The following HLCS variants were observed in gnomAD, a reference collection of about 807,000 sequenced individuals.
The protein encoded by HLCS is biotin--protein ligase.
In HLCS, 53 loss-of-function variants were observed where a neutral mutation model predicts 75.0. That is an observed-to-expected ratio of 0.71 (90% CI 0.57 to 0.89). HLCS has a LOEUF of 0.89. Ranked by LOEUF, HLCS falls within the 40% of genes least tolerant of loss-of-function variation. The pLI, the probability that HLCS is intolerant of heterozygous loss-of-function variation, is 0.00. For missense variants in HLCS, 966 were observed against 1,074.0 expected (o/e 0.90, Z 1.41); for synonymous variants, 431 against 428.6 (o/e 1.01, Z -0.07).
intron 7 of HLCS, among the ~76,000 whole-genome samples, chr21:36,765,796 G>A (rs758277188): frequency 7.9e-5 from 12 of 152,020 alleles, no homozygotes; most frequent in African/African-American, 1.2e-4. Flanking sequence ...TAAGGTGCCC[G>A]CCACCATTCC....
At chr21:36,931,283 CAAAAAAAAA>C (rs57829948) in intron 4 of HLCS, among the ~76,000 whole-genome samples, 3 of 75,466 alleles carry the variant, frequency 4.0e-5, no homozygotes, top group Admixed American at 1.6e-4. Context: ...AACTCCATCG[CAAAAAAAAA>C]AAAAAAAAAA....
chr21:36,761,355 A>G (rs979537563), intron 8 of HLCS, among the ~76,000 whole-genome samples: 1 of 152,198 alleles, frequency 6.6e-6, no homozygotes, highest in Non-Finnish European at 1.5e-5. Flanking sequence ...TCGGCCCGTT[A>G]GAGCATATTG....
Position 36,753,961 on chromosome 21 carries a change from C to G in HLCS, c.*285G>C. 1 of 499,336 alleles carries G rather than the reference C, an allele frequency of 2.0e-6. No homozygotes were observed. Among genetic ancestry groups the G allele is most frequent in the Non-Finnish European group, 3.6e-6 (1 of 274,860 alleles). The allele number at this position is 499,336 out of a possible 1,614,324, so 30.9% of individuals were successfully genotyped here. A position where few individuals can be genotyped will look rare whatever the true frequency, so the allele number is the denominator to read the frequency against. On this transcript the variant is annotated 3_prime_UTR_variant, in exon 11 of 11. Coordinates refer to ENST00000674895, the MANE Select transcript of HLCS (RefSeq NM_001352514.2). The surrounding 1 kb of genome is among the most constrained non-coding windows in gnomAD (Gnocchi z 4.3). ...TTGTCATTTCCATGTAAAAACTCCC[C>G]TTGACAATAAACGTAAGTCCAAGCC... is the stretch of plus-strand genomic sequence containing the variant.
intron 4 of HLCS, among the ~76,000 whole-genome samples, chr21:36,931,941 T>TC (rs1239304145): frequency 2.6e-5 from 4 of 152,006 alleles, no homozygotes; most frequent in African/African-American, 9.7e-5. Context: ...TTCTCCGTTT[T>TC]CCCCCCACAT....
At chr21:36,862,670 C>T (rs1036122994) in intron 6 of HLCS, among the ~76,000 whole-genome samples, 4 of 152,184 alleles carry the variant, frequency 2.6e-5, no homozygotes, top group Admixed American at 2.6e-4. Flanking sequence ...TTCCTCTCAC[C>T]CTCCTGTAAT....
chr21:36,836,267 G>A (rs897311666), intron 6 of HLCS, among the ~76,000 whole-genome samples: 8 of 152,268 alleles, frequency 5.3e-5, no homozygotes, highest in South Asian at 2.1e-4. Flanking sequence ...CCCTGGGGCT[G>A]CAACAGGATG....
intron 6 of HLCS, among the ~76,000 whole-genome samples, chr21:36,869,157 C>T (rs1021000410): frequency 6.6e-6 from 1 of 151,906 alleles, no homozygotes; most frequent in Non-Finnish European, 1.5e-5. Flanking sequence ...CAGAGTCTCG[C>T]TCTGTCACCC....
intron 2 of HLCS, among the ~76,000 whole-genome samples, chr21:36,941,530 A>G (rs1188226571): frequency 6.6e-6 from 1 of 152,234 alleles, no homozygotes; most frequent in African/African-American, 2.4e-5. Flanking sequence ...CAATAAGGAA[A>G]TAATAGTCTT....
At chr21:36,798,742 G>A (rs1358429163) in intron 6 of HLCS, among the ~76,000 whole-genome samples, 2 of 152,210 alleles carry the variant, frequency 1.3e-5, no homozygotes, top group African/African-American at 4.8e-5. Context: ...TGCATGTGAA[G>A]TGGTATCTTA....
intron 1 of HLCS, among the ~76,000 whole-genome samples, chr21:36,981,469 T>C (rs8134802): frequency 0.11 from 16,744 of 148,992 alleles, 1,546 homozygotes; most frequent in African/African-American, 0.25. Flanking sequence ...GGCACGATCT[T>C]GGCTCACTAT....
intron 2 of HLCS, chr21:36,947,801 G>A: frequency 1.0e-6 from 1 of 985,486 alleles, no homozygotes; most frequent in Non-Finnish European, 1.2e-6. Flanking sequence ...GGGGGCATTG[G>A]CAGGCAGCAG....
intron 5 of HLCS, among the ~76,000 whole-genome samples, chr21:36,929,840 C>T (rs16994594): frequency 0.039 from 5,986 of 152,316 alleles, 253 homozygotes; most frequent in African/African-American, 0.11. Context: ...GACTCACAGA[C>T]GTGAAACCCA....
intron 5 of HLCS, among the ~76,000 whole-genome samples, chr21:36,911,841 T>C (rs1048313056): frequency 6.9e-5 from 10 of 145,120 alleles, no homozygotes; most frequent in African/African-American, 2.1e-4. Context: ...GGGGCCGAGG[T>C]GGGTGGATCA....
Position 36,896,924 on chromosome 21 carries a change from T to C in HLCS, c.1828A>G (p.Lys610Glu), listed in dbSNP as rs1569161022. The C allele has an allele frequency of 8.7e-6, 14 of 1,614,146 alleles. No homozygotes were observed. The highest frequency in any genetic ancestry group is 1.2e-5 in the Non-Finnish European group (14 of 1,180,030). Reference sequence around the variant, plus strand: ...AACAAAATTACTTTCCCCAACTGCTTGGTCTGCAGATTTTGGCGATAGATC... The same window carrying C: ...AACAAAATTACTTTCCCCAACTGCTCGGTCTGCAGATTTTGGCGATAGATC... ...LEIYRQNLQT[K>E]QLGKVILFAE... The change falls in exon 6 of 11, where the codon AAG (lysine) becomes GAG (glutamate). Residue 610 changes from lysine (K) to glutamate (E), a missense_variant. Physicochemically the swap from Lys to Glu is moderately conservative, Grantham distance 56 (BLOSUM62 1). Transcript: ENST00000674895.
At chr21:36,773,308 C>A (rs989555141) in intron 6 of HLCS, among the ~76,000 whole-genome samples, 25 of 152,234 alleles carry the variant, frequency 1.6e-4, no homozygotes, top group African/African-American at 6.0e-4. Flanking sequence ...GGCTGCCATA[C>A]CTGTCCCGTG....
At chr21:36,907,943 A>G (rs2065531187) in intron 5 of HLCS, among the ~76,000 whole-genome samples, 1 of 152,092 alleles carries the variant, frequency 6.6e-6, no homozygotes, top group Non-Finnish European at 1.5e-5. Flanking sequence ...ACAATTAGAT[A>G]CCACTATACA....
intron 6 of HLCS, among the ~76,000 whole-genome samples, chr21:36,800,247 T>C (rs1173603734): frequency 6.6e-6 from 1 of 152,180 alleles, no homozygotes; most frequent in Non-Finnish European, 1.5e-5. Context: ...CAGAAACATA[T>C]GTTTTCATGC....
chr21:36,863,552 T>G (rs55872312), intron 6 of HLCS, among the ~76,000 whole-genome samples: 29,625 of 151,976 alleles, frequency 0.19, 2,997 homozygotes, highest in South Asian at 0.27. Context: ...ATGCTCAGGG[T>G]TGGGATTTTG....
At chr21:36,926,225 G>C (rs2066399935) in intron 5 of HLCS, among the ~76,000 whole-genome samples, 1 of 152,136 alleles carries the variant, frequency 6.6e-6, no homozygotes, top group African/African-American at 2.4e-5. Flanking sequence ...ATCCAAGCAG[G>C]GGTAGGGCAC....
Sources: allele counts gnomAD v4.1 joint callset (sites outside exome capture counted in the v4.1 genomes callset), GRCh38; gene constraint gnomAD v4.1.1; non-coding constraint Gnocchi (gnomAD v3.1); transcripts MANE v1.5; gene names NCBI Gene and HGNC (gene_info 2026-07-23, HGNC 2026-07-21).